SEMA3E: variants seen among roughly 807,000 people sequenced by gnomAD.
The protein encoded by SEMA3E is semaphorin 3E.
A neutral mutation model predicts 93.6 loss-of-function variants in SEMA3E; 49 were observed. The ratio of observed to expected loss-of-function variants is 0.52; its 90% CI spans 0.42 to 0.66. The LOEUF (loss-of-function observed/expected upper bound fraction) is 0.66. Ranked by LOEUF, SEMA3E falls within the 30% of genes least tolerant of loss-of-function variation. The pLI is 0.00. For synonymous variants in SEMA3E, 363 were observed against 330.7 expected, an observed-to-expected ratio of 1.10 and a Z score of -1.06; for missense variants, 906 against 964.8, an observed-to-expected ratio of 0.94 and a Z score of 0.81.
chr7:83,482,564 CAAAAAAAAAA>C lies in SEMA3E; in HGVS notation c.276+7540_276+7549del, dbSNP rs11429680. Among the ~76,000 whole-genome samples the C allele has an allele frequency of 1.7e-4, 14 of 80,232 alleles. 1 individual carries two copies. The highest frequency in any genetic ancestry group is 2.3e-4 in the African/African-American group (4 of 17,382). 52.6% of individuals were successfully genotyped at this position (80,232 alleles called of 152,430 possible). On this transcript the variant is annotated intron_variant, in intron 2 of 16. Transcript: ENST00000643230. ...TGCGCGACAGAGCCACACTCCGTCTCAAAAAAAAAAAAAAAAAAAAAAAATTTGCAAGAAA... is the reference window on the plus strand; with the variant it reads ...TGCGCGACAGAGCCACACTCCGTCTCAAAAAAAAAAAAAATTTGCAAGAAA...
intron 2 of SEMA3E, among the ~76,000 whole-genome samples, chr7:83,470,573 T>C (rs558771016): frequency 1.3e-5 from 2 of 152,312 alleles, no homozygotes; most frequent in South Asian, 4.1e-4. Context: ...TTTAGTTAAT[T>C]ATTTATTTCC....
intron 7 of SEMA3E, 140 bp from the exon 8 acceptor site, chr7:83,406,199 GTCATAGGTGCAAC>G: frequency 1.4e-6 from 1 of 703,310 alleles, no homozygotes; most frequent in South Asian, 1.5e-5. Context: ...CTCAAGTAAT[GTCATAGGTGCAAC>G]TCCCCATAAT....
chr7:83,506,124 A>G (rs953107517), intron 1 of SEMA3E, among the ~76,000 whole-genome samples: 39 of 151,320 alleles, frequency 2.6e-4, no homozygotes, highest in South Asian at 1.2e-3. Flanking sequence ...TAACCAATTT[A>G]TTCTTATTGA....
intron 1 of SEMA3E, among the ~76,000 whole-genome samples, chr7:83,647,603 A>G (rs535409972): frequency 7.2e-5 from 11 of 152,272 alleles, no homozygotes; most frequent in African/African-American, 2.6e-4. Context: ...CCTATTCATG[A>G]CTGGCTTGTA....
intron 4 of SEMA3E, among the ~76,000 whole-genome samples, chr7:83,448,943 G>A (rs530023806): frequency 1.6e-4 from 24 of 152,070 alleles, no homozygotes; most frequent in African/African-American, 4.3e-4. Flanking sequence ...TTACAATTAC[G>A]TCTCAAAGCT....
rs1186593906 is a variant in SEMA3E, at chr7:83,394,279, C to T, written c.1500+18G>A. 1 of 1,612,360 alleles carries T rather than the reference C, an allele frequency of 6.2e-7. No individual in the cohort carries two copies. Among genetic ancestry groups the T allele is most frequent in the Admixed American group, 1.7e-5 (1 of 59,936 alleles). On this transcript the variant is annotated intron_variant, in intron 13 of 16. Coordinates refer to ENST00000643230, the MANE Select transcript of SEMA3E (RefSeq NM_012431.3). ...TATAGAACACACACACCTACACACA[C>T]ACACACACAGAACTTACCCGCTTTG...
chr7:83,502,068 T>C (rs1025849492), intron 1 of SEMA3E, among the ~76,000 whole-genome samples: 1 of 152,118 alleles, frequency 6.6e-6, no homozygotes, highest in African/African-American at 2.4e-5. Flanking sequence ...ACAAACCAAC[T>C]CCTTTCCCAG....
At chr7:83,604,784 CG>C (rs1385597088) in intron 1 of SEMA3E, among the ~76,000 whole-genome samples, 1 of 152,018 alleles carries the variant, frequency 6.6e-6, no homozygotes, top group African/African-American at 2.4e-5. Flanking sequence ...TCACTCCCCT[CG>C]CCCCCCACCC....
intron 1 of SEMA3E, among the ~76,000 whole-genome samples, chr7:83,588,616 A>G (rs1792683895): frequency 6.6e-6 from 1 of 152,204 alleles, no homozygotes; most frequent in African/African-American, 2.4e-5. Context: ...GTCACTCATT[A>G]CTATAGATGC....
chr7:83,479,084 A>T (rs1251731959), intron 2 of SEMA3E, among the ~76,000 whole-genome samples: 2 of 152,210 alleles, frequency 1.3e-5, no homozygotes, highest in Non-Finnish European at 2.9e-5. Context: ...TTCACGAACT[A>T]GTCTGTGGTT....
chr7:83,510,443 C>T (rs1290428029), intron 1 of SEMA3E, among the ~76,000 whole-genome samples: 1 of 152,146 alleles, frequency 6.6e-6, no homozygotes, highest in Non-Finnish European at 1.5e-5. Context: ...TTTAACACAT[C>T]ATCTTTACAG....
At chr7:83,613,889 T>C (rs943508397) in intron 1 of SEMA3E, among the ~76,000 whole-genome samples, 1 of 152,030 alleles carries the variant, frequency 6.6e-6, no homozygotes, top group African/African-American at 2.4e-5. Flanking sequence ...AATTACAAAA[T>C]AATGACTTCT....
intron 1 of SEMA3E, among the ~76,000 whole-genome samples, chr7:83,619,996 AT>A (rs950198411): frequency 5.3e-5 from 8 of 151,870 alleles, no homozygotes; most frequent in Admixed American, 2.0e-4. Context: ...ATATCCTGAC[AT>A]TTAGTAGGTA....
At chr7:83,400,949 G>A (rs2115620362) in intron 10 of SEMA3E, among the ~76,000 whole-genome samples, 1 of 152,140 alleles carries the variant, frequency 6.6e-6, no homozygotes, top group Admixed American at 6.6e-5. Flanking sequence ...ATGATAATAT[G>A]ATCAGTGATG....
intron 4 of SEMA3E, among the ~76,000 whole-genome samples, chr7:83,454,272 A>AAAAAAAAAATATATATAT (rs1257792756): frequency 2.7e-5 from 3 of 110,134 alleles, no homozygotes; most frequent in African/African-American, 1.3e-4. Flanking sequence ...AAAAAAAAAA[A>AAAAAAAAAATATATATAT]ATATATATAT....
At chr7:83,517,067 G>T (rs1237288856) in intron 1 of SEMA3E, among the ~76,000 whole-genome samples, 2 of 152,026 alleles carry the variant, frequency 1.3e-5, no homozygotes, top group South Asian at 2.1e-4. Flanking sequence ...CAAAATGAAA[G>T]AAACACCATG....
chr7:83,411,323 A>G (rs777607764), intron 5 of SEMA3E, among the ~76,000 whole-genome samples: 2 of 152,100 alleles, frequency 1.3e-5, no homozygotes, highest in Admixed American at 1.3e-4. Context: ...CCATAACACA[A>G]TATGAACTGT....
chr7:83,603,864 A>G (rs1472626291), intron 1 of SEMA3E, among the ~76,000 whole-genome samples: 2 of 152,170 alleles, frequency 1.3e-5, no homozygotes, highest in African/African-American at 2.4e-5. Flanking sequence ...AAGCATTTGC[A>G]TACTTTTCAT....
In SEMA3E at chr7:83,404,323, A is replaced by G. The variant is rs555702654; in HGVS notation, c.998+1127T>C. Among the ~76,000 whole-genome samples, 419 of 152,046 alleles carry G rather than the reference A, an allele frequency of 2.8e-3. 3 individuals carry two copies. Among genetic ancestry groups the G allele is most frequent in the African/African-American group, 9.3e-3 (387 of 41,546 alleles). ...TATTTTCTCTAAGTGAGCATTAGAAACTACCTACTGAAAAATAACAAACTA... is the reference window on the plus strand; with the variant it reads ...TATTTTCTCTAAGTGAGCATTAGAAGCTACCTACTGAAAAATAACAAACTA... On this transcript the variant is annotated intron_variant, in intron 9 of 16. Coordinates refer to ENST00000643230, the MANE Select transcript of SEMA3E (RefSeq NM_012431.3).
Sources: gnomAD v4.1 joint callset for allele counts (sites outside exome capture counted in the v4.1 genomes callset) on GRCh38, gnomAD v4.1.1 for gene constraint, MANE v1.5 for transcripts, NCBI Gene and HGNC (gene_info 2026-07-23, HGNC 2026-07-21) for gene names.